CLSTN2: variants seen among roughly 807,000 people sequenced by gnomAD.
The protein encoded by CLSTN2 is calsyntenin-2.
Under a neutral mutation model 101.2 loss-of-function variants are expected in CLSTN2, and 48 were observed. The ratio of observed to expected loss-of-function variants is 0.47; its 90% CI spans 0.38 to 0.60. CLSTN2 has a LOEUF of 0.60. CLSTN2 is among the 20% of genes least tolerant of loss of function. The pLI, the probability that CLSTN2 is intolerant of heterozygous loss-of-function variation, is 0.00. For synonymous variants in CLSTN2, 481 were observed against 463.6 expected (o/e 1.04, Z -0.48); for missense variants, 1,160 against 1,238.2 (o/e 0.94, Z 0.95).
chr3:140,433,977 C>T (rs565854129), intron 5 of CLSTN2, among the ~76,000 whole-genome samples: 24 of 152,284 alleles, frequency 1.6e-4, no homozygotes, highest in African/African-American at 5.3e-4. Context: ...GTGTAAGAGG[C>T]CTGGCAAAGT....
chr3:140,073,142 C>T (rs557695159), intron 1 of CLSTN2, among the ~76,000 whole-genome samples: 14 of 152,216 alleles, frequency 9.2e-5, no homozygotes, highest in Admixed American at 7.8e-4. Flanking sequence ...CACTGCTTTT[C>T]GGTCATTTTC....
At chr3:140,392,778 T>C (rs1338648141) in intron 2 of CLSTN2, among the ~76,000 whole-genome samples, 1 of 152,138 alleles carries the variant, frequency 6.6e-6, no homozygotes, top group African/African-American at 2.4e-5. Context: ...GATGGTGTCT[T>C]AGTCTGATTT....
chr3:140,113,686 A>G (rs1160511452), intron 1 of CLSTN2, among the ~76,000 whole-genome samples: 1 of 152,206 alleles, frequency 6.6e-6, no homozygotes, highest in Non-Finnish European at 1.5e-5. Context: ...TTAACCCTCC[A>G]AGTTAAGTTG....
chr3:140,065,794 G>C (rs2008289074), intron 1 of CLSTN2, among the ~76,000 whole-genome samples: 1 of 152,218 alleles, frequency 6.6e-6, no homozygotes, highest in African/African-American at 2.4e-5. Context: ...ACAGCCTTGG[G>C]AGTGAGGGGC....
At chr3:140,520,870 T>C (rs1473290386) in intron 8 of CLSTN2, among the ~76,000 whole-genome samples, 4 of 152,204 alleles carry the variant, frequency 2.6e-5, no homozygotes. Context: ...TTTCATTCTA[T>C]TCTTGTCTGC....
intron 1 of CLSTN2, among the ~76,000 whole-genome samples, chr3:139,984,529 C>T (rs1445119267): frequency 2.6e-5 from 4 of 152,130 alleles, no homozygotes; most frequent in East Asian, 1.9e-4. Context: ...TTGTTGACCA[C>T]CTCTTCTCCC....
chr3:140,518,990 CT>C (rs146387706), intron 8 of CLSTN2, among the ~76,000 whole-genome samples: 8,488 of 152,228 alleles, frequency 0.056, 773 homozygotes, highest in African/African-American at 0.19. Flanking sequence ...ACTCTTAACA[CT>C]GCTTTAGCTG....
At chr3:140,186,141 A>G (rs2010482261) in intron 2 of CLSTN2, among the ~76,000 whole-genome samples, 1 of 152,188 alleles carries the variant, frequency 6.6e-6, no homozygotes, top group Non-Finnish European at 1.5e-5. Flanking sequence ...TAAAACATTG[A>G]GGAAATCGTC....
chr3:140,063,629 A>T (rs1185252887), intron 1 of CLSTN2, among the ~76,000 whole-genome samples: 1 of 152,194 alleles, frequency 6.6e-6, no homozygotes. Flanking sequence ...ATGATAATTT[A>T]AAACCCTGGC....
intron 2 of CLSTN2, among the ~76,000 whole-genome samples, chr3:140,326,100 T>C (rs902485116): frequency 6.6e-6 from 1 of 152,234 alleles, no homozygotes; most frequent in Non-Finnish European, 1.5e-5. Context: ...TAATAAGTAC[T>C]GGGTGTGTCA....
At chr3:140,393,653 A>G (rs558812599) in intron 2 of CLSTN2, among the ~76,000 whole-genome samples, 1 of 152,276 alleles carries the variant, frequency 6.6e-6, no homozygotes, top group East Asian at 1.9e-4. Flanking sequence ...TTCCTAAAGG[A>G]CAAGTAAGAG....
At chr3:140,177,140 T>C (rs930470051) in intron 2 of CLSTN2, among the ~76,000 whole-genome samples, 1 of 152,190 alleles carries the variant, frequency 6.6e-6, no homozygotes, top group African/African-American at 2.4e-5. Context: ...AGGGAGATAC[T>C]CTATTCTCAG....
chr3:140,296,950 T>C (rs1391484740), intron 2 of CLSTN2, among the ~76,000 whole-genome samples: 1 of 152,192 alleles, frequency 6.6e-6, no homozygotes, highest in Non-Finnish European at 1.5e-5. Context: ...AGGCAGCCTC[T>C]GCACCACTGT....
intron 1 of CLSTN2, among the ~76,000 whole-genome samples, chr3:140,055,209 A>G (rs1383146234): frequency 6.6e-6 from 1 of 152,180 alleles, no homozygotes; most frequent in Admixed American, 6.5e-5. Flanking sequence ...GATGGATGGC[A>G]GTGTCCAGAA....
At position 140,459,643 on chromosome 3, in the gene CLSTN2, G is replaced by A. The variant is rs7632885; in HGVS notation, c.1096G>A (p.Val366Ile). The part of the protein sequence containing the change: ...FKFDGRQGAK[V>I]PDGIVPKNLT... ...GTTTGACGGCAGGCAGGGTGCCAAAGTCCCCGATGGGATTGTGCCCAAGAA... is the reference window on the plus strand; with the variant it reads ...GTTTGACGGCAGGCAGGGTGCCAAAATCCCCGATGGGATTGTGCCCAAGAA... The change falls in exon 7 of 17, where the codon GTC (valine) becomes ATC (isoleucine). Residue 366 changes from valine (V) to isoleucine (I), a missense_variant. Coordinates refer to ENST00000458420, the MANE Select transcript of CLSTN2 (RefSeq NM_022131.3). 955,418 of 1,613,736 alleles carry A rather than the reference G, an allele frequency of 0.59. 285,676 individuals are homozygous for A. Among genetic ancestry groups the A allele is most frequent in the Non-Finnish European group, 0.61 (720,600 of 1,179,866 alleles).
intron 1 of CLSTN2, among the ~76,000 whole-genome samples, chr3:140,017,560 C>A (rs1008599402): frequency 1.3e-5 from 2 of 152,202 alleles, no homozygotes; most frequent in African/African-American, 4.8e-5. Context: ...GAGTGCCCCT[C>A]CACCTCCAGG....
chr3:140,145,785 G>A (rs547833411), intron 1 of CLSTN2, among the ~76,000 whole-genome samples: 2 of 152,338 alleles, frequency 1.3e-5, no homozygotes, highest in Admixed American at 6.5e-5. Context: ...CCAAGCACAG[G>A]AGGGTTTCTT....
chr3:140,265,934 T>C (rs757911237), intron 2 of CLSTN2, among the ~76,000 whole-genome samples: 6 of 152,192 alleles, frequency 3.9e-5, no homozygotes, highest in Non-Finnish European at 8.8e-5. Flanking sequence ...CTAGGGTTCT[T>C]GGATCCCTCA....
intron 1 of CLSTN2, among the ~76,000 whole-genome samples, chr3:140,028,697 C>T (rs1323025276): frequency 1.3e-5 from 2 of 152,148 alleles, no homozygotes; most frequent in South Asian, 2.1e-4. Context: ...GAATCCCCGG[C>T]GCCAAGGCCA....
Sources: allele counts gnomAD v4.1 joint callset (sites outside exome capture counted in the v4.1 genomes callset), GRCh38; gene constraint gnomAD v4.1.1; transcripts MANE v1.5; gene names NCBI Gene and HGNC (gene_info 2026-07-23, HGNC 2026-07-21).